CENPI: variants seen among roughly 807,000 people sequenced by gnomAD.
CENPI encodes the protein FSH primary response 1.
In CENPI, 4 loss-of-function variants were observed where a neutral mutation model predicts 60.4. That is an observed-to-expected ratio of 0.07 (90% CI 0.03 to 0.15). The LOEUF is 0.15. Among genes scored for constraint, CENPI ranks in the 10% least tolerant of loss-of-function variants. The pLI, the probability that CENPI is intolerant of heterozygous loss-of-function variation, is 1.00. For synonymous variants in CENPI, 157 were observed against 189.4 expected (o/e 0.83, Z 1.40); for missense variants, 444 against 534.5 (o/e 0.83, Z 1.67).
At position 101,128,829 on chromosome X, in the gene CENPI, A is replaced by G; in HGVS notation, c.1188A>G (p.Leu396=). The G allele has an allele frequency of 1.7e-6, 2 of 1,209,310 alleles. No homozygotes were observed. Among genetic ancestry groups the G allele is most frequent in the Non-Finnish European group, 2.2e-6 (2 of 893,528 alleles). Reference sequence around the variant, plus strand: ...TTTATTACTGGTTGAGTCAAACATTACAAGAAGGTAAGAATTGAGTGAGGA... The same window carrying G: ...TTTATTACTGGTTGAGTCAAACATTGCAAGAAGGTAAGAATTGAGTGAGGA... The part of the protein sequence containing the change: ...LRFYYWLSQT[L]QEECIWYKVN... The change falls in exon 12 of 22, where the codon TTA becomes TTG. Residue 396 remains leucine (L), a synonymous_variant. Transcript: ENST00000682095.
chrX:101,122,806 G>A (rs1298840443), intron 8 of CENPI, among the ~76,000 whole-genome samples: 1 of 111,781 alleles, frequency 8.9e-6, no homozygotes, highest in African/African-American at 3.3e-5. Context: ...AAACCGGGAG[G>A]CGGAGGTTGC....
intron 20 of CENPI, among the ~76,000 whole-genome samples, chrX:101,154,238 T>A (rs1447024100): frequency 9.0e-6 from 1 of 111,723 alleles, no homozygotes; most frequent in African/African-American, 3.2e-5. Flanking sequence ...TTCTTTGAAA[T>A]TCCATATGAA....
intron 20 of CENPI, among the ~76,000 whole-genome samples, chrX:101,150,898 G>A (rs1602848704): frequency 9.1e-6 from 1 of 110,232 alleles, no homozygotes; most frequent in East Asian, 2.8e-4. Context: ...TGAAGTTTTT[G>A]AATGTCTGTT....
chrX:101,153,708 G>A (rs1454807072), intron 20 of CENPI, among the ~76,000 whole-genome samples: 2 of 111,857 alleles, frequency 1.8e-5, no homozygotes, highest in Non-Finnish European at 3.8e-5. Flanking sequence ...CTCCAATTTT[G>A]TGGGTTGTCT....
the CENPI span, among the ~76,000 whole-genome samples, chrX:101,174,331 G>T: frequency 9.0e-6 from 1 of 111,560 alleles, no homozygotes; most frequent in African/African-American, 3.3e-5. Flanking sequence ...ATATCCAAAA[G>T]AAAATAAATT....
chrX:101,158,690 G>T (rs181974411), intron 20 of CENPI, among the ~76,000 whole-genome samples: 1 of 109,189 alleles, frequency 9.2e-6, no homozygotes, highest in East Asian at 2.9e-4. Flanking sequence ...GAGTGCAGTG[G>T]CATGATGTCA....
chrX:101,152,891 G>A (rs922530450), intron 20 of CENPI, among the ~76,000 whole-genome samples: 59 of 108,377 alleles, frequency 5.4e-4, no homozygotes, highest in African/African-American at 1.9e-3. Context: ...TCTTATAAAA[G>A]GTTTTGTGTG....
intron 20 of CENPI, among the ~76,000 whole-genome samples, chrX:101,154,681 T>C (rs187513521): frequency 8.9e-6 from 1 of 112,161 alleles, no homozygotes; most frequent in Admixed American, 9.5e-5. Flanking sequence ...TTAATAATAT[T>C]AAGTCTTCCA....
At chrX:101,154,847 A>G (rs1375886552) in intron 20 of CENPI, among the ~76,000 whole-genome samples, 1 of 111,109 alleles carries the variant, frequency 9.0e-6, no homozygotes, top group Admixed American at 9.7e-5. Flanking sequence ...TATTTTTCTT[A>G]ATTTCAGTTT....
intron 20 of CENPI, among the ~76,000 whole-genome samples, chrX:101,158,827 C>T (rs981624629): frequency 4.5e-5 from 5 of 110,269 alleles, no homozygotes; most frequent in African/African-American, 6.6e-5. Flanking sequence ...GACGGGGTTT[C>T]GCCATGTTGG....
At chrX:101,136,475 T>A (rs1466757579) in intron 15 of CENPI, among the ~76,000 whole-genome samples, 1 of 112,446 alleles carries the variant, frequency 8.9e-6, no homozygotes, top group East Asian at 2.8e-4. Flanking sequence ...TAGAATTAGC[T>A]AAACGTTAGT....
At chrX:101,103,808 T>C (rs1287804283) in intron 4 of CENPI, among the ~76,000 whole-genome samples, 1 of 112,104 alleles carries the variant, frequency 8.9e-6, no homozygotes, top group Non-Finnish European at 1.9e-5. Context: ...CCAGTTACCA[T>C]ATATCATCAC....
At chrX:101,114,758 G>A (rs1468934449) in intron 6 of CENPI, among the ~76,000 whole-genome samples, 1 of 110,085 alleles carries the variant, frequency 9.1e-6, no homozygotes, top group Non-Finnish European at 1.9e-5. Flanking sequence ...TCCTGCCTCA[G>A]CCTCCTGAGT....
chrX:101,132,160 A>G (rs780808234), intron 13 of CENPI, 30 bp from the exon 14 acceptor site: 7 of 1,005,115 alleles, frequency 7.0e-6, no homozygotes, highest in African/African-American at 1.9e-5. Context: ...AGAGTTCCAT[A>G]TAAGGATTTA....
chrX:101,140,520 C>A, intron 15 of CENPI, 146 bp from the exon 16 acceptor site: 1 of 469,307 alleles, frequency 2.1e-6, no homozygotes. Context: ...CTTCTGGAGA[C>A]TAATCATGGT....
intron 20 of CENPI, among the ~76,000 whole-genome samples, chrX:101,152,546 C>G (rs1322375478): frequency 9.1e-6 from 1 of 109,723 alleles, no homozygotes; most frequent in Non-Finnish European, 1.9e-5. Flanking sequence ...CCTCCTGAGG[C>G]ATGTGTCACC....
intron 6 of CENPI, among the ~76,000 whole-genome samples, chrX:101,120,125 G>A (rs144391441): frequency 0.016 from 1,785 of 112,118 alleles, 46 homozygotes; most frequent in African/African-American, 0.055. Flanking sequence ...ATTTTTGTTA[G>A]GTAGGAGGAT....
At chrX:101,147,349 G>A (rs1354422269) in intron 18 of CENPI, among the ~76,000 whole-genome samples, 1 of 110,285 alleles carries the variant, frequency 9.1e-6, no homozygotes, top group Non-Finnish European at 1.9e-5. Flanking sequence ...AGACCTGCAT[G>A]CATTAGGTAT....
rs766064133 is a variant in CENPI, at chrX:101,145,098, T to C, written c.1600T>C (p.Ser534Pro). Reference protein sequence around the residue: ...TTLGGSMNSVSKLIHYVGWLS... With the variant: ...TTLGGSMNSVPKLIHYVGWLS... ...TTTGGGTGGATCCATGAACTCTGTG[T>C]CTAAACTGATCCACTATGTAGGGTG... Residue 534 changes from serine to proline, a missense_variant, in exon 17 of 22, where the codon TCT becomes CCT. Ser to Pro is a moderately conservative substitution (Grantham distance 74). Transcript: ENST00000682095. 2.5e-6 allele frequency: 3 copies of C among 1,202,958 alleles called. No individual in the cohort carries two copies. The African/African-American group carries it at 5.2e-5, about 21-fold the overall frequency.
Sources: allele counts gnomAD v4.1 joint callset (sites outside exome capture counted in the v4.1 genomes callset), GRCh38; gene constraint gnomAD v4.1.1; transcripts MANE v1.5; gene names NCBI Gene and HGNC (gene_info 2026-07-23, HGNC 2026-07-21).